The following LIMCH1 variants were observed in gnomAD, a reference collection of about 807,000 sequenced individuals.
The protein encoded by LIMCH1 is LIM and calponin homology domains-containing protein 1.
In LIMCH1, 113 loss-of-function variants were observed where a neutral mutation model predicts 176.5. That is an observed-to-expected ratio of 0.64 (90% CI 0.55 to 0.75). The LOEUF (loss-of-function observed/expected upper bound fraction) is 0.75. LIMCH1 is among the 30% of genes least tolerant of loss of function. LIMCH1 has a pLI of 0.00. For synonymous variants in LIMCH1, 619 were observed against 645.9 expected (o/e 0.96, Z 0.63); for missense variants, 1,674 against 1,814.9 (o/e 0.92, Z 1.41).
At chr4:41,556,153 G>T (rs899011760) in intron 1 of LIMCH1, among the ~76,000 whole-genome samples, 2 of 152,084 alleles carry the variant, frequency 1.3e-5, no homozygotes, top group Admixed American at 6.6e-5. Context: ...CCAGCACTTT[G>T]GGAGGCCGAG....
chr4:41,464,369 T>C (rs2065808009), intron 1 of LIMCH1, among the ~76,000 whole-genome samples: 1 of 149,138 alleles, frequency 6.7e-6, no homozygotes, highest in Non-Finnish European at 1.5e-5. Flanking sequence ...TTTCTTTTTT[T>C]CTTTTTTTTT....
chr4:41,665,046 T>TC (rs2094775371), intron 20 of LIMCH1, among the ~76,000 whole-genome samples: 1 of 152,180 alleles, frequency 6.6e-6, no homozygotes, highest in South Asian at 2.1e-4. Flanking sequence ...GGTCTTTGAA[T>TC]CAAACACTTT....
At chr4:41,389,774 C>A (rs1284312285) in intron 1 of LIMCH1, among the ~76,000 whole-genome samples, 1 of 152,180 alleles carries the variant, frequency 6.6e-6, no homozygotes, top group Non-Finnish European at 1.5e-5. Context: ...TTTCAATGAT[C>A]TTCCTAGATC....
rs1355303143 is a variant in LIMCH1 at position 41,632,998 on chromosome 4, AGGAT to A, written c.1745_1748del (p.Asp582AlafsTer48). 3 of 1,535,846 alleles carry A rather than the reference AGGAT, an allele frequency of 2.0e-6. No individual in the cohort carries two copies. The highest frequency in any genetic ancestry group is 2.6e-6 in the Non-Finnish European group (3 of 1,146,750). ...TTAGTTACATCCAAACAGCTGCCAC[AGGAT>A]GGCAAAGAAGAAACAGAAAGCGCTC... On this transcript the variant is annotated frameshift_variant, in exon 12 of 32. Coordinates refer to ENST00000503057, the MANE Select transcript of LIMCH1 (RefSeq NM_001330672.2). LOFTEE classifies it high-confidence loss of function.
chr4:41,395,669 C>A (rs893286201), intron 1 of LIMCH1, among the ~76,000 whole-genome samples: 2 of 152,094 alleles, frequency 1.3e-5, no homozygotes, highest in African/African-American at 4.8e-5. Context: ...TCTGGGCATA[C>A]TTTTATAAAA....
Position 41,620,709 on chromosome 4 carries a change from G to A in LIMCH1, c.725+19G>A. 1.3e-6 allele frequency: 2 copies of A among 1,513,416 alleles called. No individual in the cohort carries two copies. The highest frequency in any genetic ancestry group is 1.8e-6 in the Non-Finnish European group (2 of 1,134,554). 93.7% of individuals were successfully genotyped at this position (1,513,416 alleles called of 1,614,324 possible). On this transcript the variant is annotated intron_variant, in intron 7 of 31. Coordinates refer to ENST00000503057, the MANE Select transcript of LIMCH1 (RefSeq NM_001330672.2). The stretch of plus-strand genomic sequence containing the variant: ...TTGCCAGGTCAGCTCTGGGCTGAGG[G>A]CTGGCCCGGCTGGCTTTCTGCATGC...
chr4:41,551,738 A>G (rs752384358), intron 1 of LIMCH1, among the ~76,000 whole-genome samples: 17 of 152,208 alleles, frequency 1.1e-4, no homozygotes, highest in Non-Finnish European at 2.1e-4. Context: ...ACATAGTTTT[A>G]TTGGAATACA....
rs1161415498 is a variant in LIMCH1 at position 41,626,668 on chromosome 4, C to T, written c.726-40C>T. 8 of 1,482,720 alleles carry T rather than the reference C, an allele frequency of 5.4e-6. No homozygotes were observed. In the Admixed American group the frequency reaches 6.5e-5, roughly 12 times the overall value. The allele number at this position is 1,482,720 out of a possible 1,614,324, so 91.8% of individuals were successfully genotyped here. A position where few individuals can be genotyped will look rare whatever the true frequency, so the allele number is the denominator to read the frequency against. Reference sequence around the variant, plus strand: ...GAGATGGAGATTTAATTTTTTTTGTCTGATCACATGTGGAGTCCCATTTAA... The same window carrying T: ...GAGATGGAGATTTAATTTTTTTTGTTTGATCACATGTGGAGTCCCATTTAA... On this transcript the variant is annotated intron_variant, in intron 7 of 31. Transcript: ENST00000503057.
chr4:41,544,885 G>A (rs561074566), intron 1 of LIMCH1, among the ~76,000 whole-genome samples: 34 of 152,292 alleles, frequency 2.2e-4, no homozygotes, highest in African/African-American at 8.2e-4. Context: ...TCCCCAACTT[G>A]CCTAAGTTAC....
intron 1 of LIMCH1, among the ~76,000 whole-genome samples, chr4:41,403,888 C>T (rs1015882734): frequency 6.6e-6 from 1 of 152,096 alleles, no homozygotes; most frequent in African/African-American, 2.4e-5. Context: ...TTGCTGCTGT[C>T]CAAATATTTA....
intron 2 of LIMCH1, among the ~76,000 whole-genome samples, chr4:41,516,275 C>T (rs888572947): frequency 5.3e-5 from 8 of 152,094 alleles, no homozygotes; most frequent in African/African-American, 9.7e-5. Context: ...GGAAGGATCC[C>T]GGCCAGAGCC....
At chr4:41,429,179 G>C (rs747611123) in intron 1 of LIMCH1, among the ~76,000 whole-genome samples, 1 of 152,118 alleles carries the variant, frequency 6.6e-6, no homozygotes, top group Non-Finnish European at 1.5e-5. Context: ...GTCCATCTGT[G>C]CACCATTTTT....
chr4:41,680,045 T>TGG lies in LIMCH1; in HGVS notation c.3561_3562dup (p.Glu1188GlyfsTer22). On this transcript the variant is annotated frameshift_variant, in exon 24 of 32. Coordinates refer to ENST00000503057, the MANE Select transcript of LIMCH1 (RefSeq NM_001330672.2). LOFTEE classifies it high-confidence loss of function. ...GGAGCAGGACAAGCTGAAAGAAGAGTGGGAAAAGGCCCAAAAGGAGGTGGA... is the reference window on the plus strand; with the variant it reads ...GGAGCAGGACAAGCTGAAAGAAGAGTGGGGGAAAAGGCCCAAAAGGAGGTGGA... 1 of 1,610,004 alleles carries TGG rather than the reference T, an allele frequency of 6.2e-7. No homozygotes were observed.
chr4:41,490,335 G>A (rs577131090), intron 1 of LIMCH1, among the ~76,000 whole-genome samples: 2 of 146,866 alleles, frequency 1.4e-5, no homozygotes, highest in East Asian at 4.0e-4. Flanking sequence ...AGAGGGGGAT[G>A]TGGCAGGGTC....
chr4:41,588,204 C>A (rs7441745), intron 1 of LIMCH1, among the ~76,000 whole-genome samples: 3 of 151,606 alleles, frequency 2.0e-5, no homozygotes, highest in South Asian at 4.2e-4. Context: ...TTTGTTCTTG[C>A]GATAGTTTAC....
At chr4:41,361,551 C>T (rs1326858322) in intron 1 of LIMCH1, among the ~76,000 whole-genome samples, 2 of 152,142 alleles carry the variant, frequency 1.3e-5, no homozygotes, top group African/African-American at 2.4e-5. Context: ...TAGACGCTGC[C>T]CAGCCTTTGG....
chr4:41,399,685 CTTTTTT>C (rs56174007), intron 1 of LIMCH1, among the ~76,000 whole-genome samples: 3 of 95,788 alleles, frequency 3.1e-5, no homozygotes, highest in Non-Finnish European at 5.6e-5. Flanking sequence ...GGTGGATACT[CTTTTTT>C]TTTTTTTTTG....
At chr4:41,678,157 C>G (rs888701224) in intron 23 of LIMCH1, among the ~76,000 whole-genome samples, 1 of 152,090 alleles carries the variant, frequency 6.6e-6, no homozygotes, top group African/African-American at 2.4e-5. Context: ...CATTGTTCAT[C>G]TCCCACTTAT....
At chr4:41,462,786 C>T (rs2065559770) in intron 1 of LIMCH1, among the ~76,000 whole-genome samples, 1 of 152,128 alleles carries the variant, frequency 6.6e-6, no homozygotes, top group Non-Finnish European at 1.5e-5. Flanking sequence ...GAGGAAAAGT[C>T]TGTTTGGCTT....
Sources: allele counts gnomAD v4.1 joint callset (sites outside exome capture counted in the v4.1 genomes callset), GRCh38; gene constraint gnomAD v4.1.1; transcripts MANE v1.5; gene names NCBI Gene and HGNC (gene_info 2026-07-23, HGNC 2026-07-21).